Variants in MAPK8 observed in about 807,000 individuals in gnomAD.
MAPK8 encodes mitogen-activated protein kinase 8, also known as JUN N-terminal kinase.
A neutral mutation model predicts 52.9 loss-of-function variants in MAPK8; 13 were observed. The observed-to-expected ratio is 0.25, with a 90% CI of 0.16 to 0.39. The LOEUF is 0.39. Ranked by LOEUF, MAPK8 falls within the 10% of genes least tolerant of loss-of-function variation. The pLI, the probability that MAPK8 is intolerant of heterozygous loss-of-function variation, is 1.00. For missense variants in MAPK8, 300 were observed against 519.2 expected (o/e 0.58, Z 4.10); for synonymous variants, 191 against 169.8 (o/e 1.12, Z -0.97).
chr10:48,385,191 T>G (rs1331911057), intron 1 of MAPK8, among the ~76,000 whole-genome samples: 1 of 152,092 alleles, frequency 6.6e-6, no homozygotes, highest in Non-Finnish European at 1.5e-5. Flanking sequence ...GCTCAAGGGG[T>G]AGTGAGACAT....
At chr10:48,425,534 T>G in intron 7 of MAPK8, 1 of 327,374 alleles carries the variant, frequency 3.1e-6, no homozygotes, top group Non-Finnish European at 5.5e-6. Context: ...AAGGAAAAAT[T>G]TTGTATATTA....
intron 1 of MAPK8, among the ~76,000 whole-genome samples, chr10:48,324,318 T>C (rs1383420001): frequency 1.3e-5 from 2 of 152,174 alleles, no homozygotes. Context: ...ATGGATAGTG[T>C]TCAAATTGAT....
chr10:48,344,016 T>G (rs575652513), intron 1 of MAPK8, among the ~76,000 whole-genome samples: 39 of 152,362 alleles, frequency 2.6e-4, no homozygotes, highest in Admixed American at 1.1e-3. Context: ...GTTTGAATCC[T>G]CTACTGCTTA....
intron 1 of MAPK8, among the ~76,000 whole-genome samples, chr10:48,333,504 C>T (rs1350536490): frequency 6.6e-6 from 1 of 152,204 alleles, no homozygotes; most frequent in Non-Finnish European, 1.5e-5. Context: ...AAGGGCCATG[C>T]CCTAGTCTAC....
At chr10:48,423,567 A>G (rs1465362646) in intron 6 of MAPK8, among the ~76,000 whole-genome samples, 1 of 152,254 alleles carries the variant, frequency 6.6e-6, no homozygotes, top group Non-Finnish European at 1.5e-5. Flanking sequence ...CAGTTTAAAA[A>G]TTCCAAAGAG....
At chr10:48,409,975 T>G in intron 4 of MAPK8, 38 bp downstream of exon 4, 1 of 1,607,810 alleles carries the variant, frequency 6.2e-7, no homozygotes, top group Non-Finnish European at 8.5e-7. Context: ...AGTTAGTACA[T>G]TTTTCTTAGA....
In MAPK8 at chr10:48,352,451, A is replaced by T. The variant is rs549716290; in HGVS notation, c.-50+45630A>T. Among the ~76,000 whole-genome samples the T allele has an allele frequency of 5.9e-5, 9 of 152,338 alleles. No individual in the cohort carries two copies. The South Asian group carries it at 1.9e-3, about 32-fold the overall frequency. ...ATGACCAAGTGGACTTTATTTTGGGAATGCAAGATTGATTCAACATTTGAA... is the reference window on the plus strand; with the variant it reads ...ATGACCAAGTGGACTTTATTTTGGGTATGCAAGATTGATTCAACATTTGAA... On this transcript the variant is annotated intron_variant, in intron 1 of 11. Coordinates refer to ENST00000374189, the MANE Select transcript of MAPK8 (RefSeq NM_001323329.2).
chr10:48,329,456 C>T (rs1302305062), intron 1 of MAPK8, among the ~76,000 whole-genome samples: 1 of 151,668 alleles, frequency 6.6e-6, no homozygotes, highest in African/African-American at 2.4e-5. Context: ...CAACTCTGGC[C>T]ATGAGACAAC....
Position 48,438,259 on chromosome 10 carries a change from C to T in MAPK8, c.*3230C>T, listed in dbSNP as rs1438374820. ...TTAGCAGCCCTCTTAAATGTTGCCTCTCCGTATCCTGTTGCATTTTTGTGT... is the reference window on the plus strand; with the variant it reads ...TTAGCAGCCCTCTTAAATGTTGCCTTTCCGTATCCTGTTGCATTTTTGTGT... On this transcript the variant is annotated 3_prime_UTR_variant, in exon 12 of 12. Coordinates refer to ENST00000374189, the MANE Select transcript of MAPK8 (RefSeq NM_001323329.2). 6.6e-6 allele frequency: 1 copy of T among 152,220 alleles called. No individual in the cohort carries two copies. The highest frequency in any genetic ancestry group is 1.5e-5 in the Non-Finnish European group (1 of 68,034). The allele number at this position is 152,220 out of a possible 1,614,324, so 9.4% of individuals were successfully genotyped here. A position where few individuals can be genotyped will look rare whatever the true frequency, so the allele number is the denominator to read the frequency against.
chr10:48,435,016 GCTGCTGTAGATGACTACTTGGGCCATC>G lies in MAPK8; in HGVS notation c.1272_*14del. 1 of 1,605,784 alleles carries G rather than the reference GCTGCTGTAGATGACTACTTGGGCCATC, an allele frequency of 6.2e-7. No homozygotes were observed. The highest frequency in any genetic ancestry group is 8.5e-7 in the Non-Finnish European group (1 of 1,176,196). On this transcript the variant is annotated stop_lost and 3_prime_UTR_variant, in exon 12 of 12. Coordinates refer to ENST00000374189, the MANE Select transcript of MAPK8 (RefSeq NM_001323329.2). ...CTAGAAGCAGCAGCTGGGCCTCTGG[GCTGCTGTAGATGACTACTTGGGCCATC>G]GGGGGGTGGGAGGGATGGGGAGTCG...
Position 48,401,791 on chromosome 10 carries a change from T to C in MAPK8, c.122+9T>C. The C allele has an allele frequency of 7.1e-7, 1 of 1,411,340 alleles. No individual in the cohort carries two copies. The highest frequency in any genetic ancestry group is 9.3e-7 in the Non-Finnish European group (1 of 1,077,684). 87.4% of individuals were successfully genotyped at this position (1,411,340 alleles called of 1,614,324 possible). A position where few individuals can be genotyped will look rare whatever the true frequency, so the allele number is the denominator to read the frequency against. On this transcript the variant is annotated intron_variant, in intron 2 of 11. Transcript: ENST00000374189. Reference sequence around the variant, plus strand: ...GCTCAAGGAATAGTATGGTAAGTGTTTACTTCCAAAAATTAGGCAAAGAAT... The same window carrying C: ...GCTCAAGGAATAGTATGGTAAGTGTCTACTTCCAAAAATTAGGCAAAGAAT...
chr10:48,365,268 A>T (rs1430426135), intron 1 of MAPK8, among the ~76,000 whole-genome samples: 2 of 152,134 alleles, frequency 1.3e-5, no homozygotes. Flanking sequence ...TGTTTAAAGG[A>T]TGTACTTAAT....
At chr10:48,411,745 C>G (rs987936352) in intron 5 of MAPK8, among the ~76,000 whole-genome samples, 3 of 152,216 alleles carry the variant, frequency 2.0e-5, no homozygotes, top group African/African-American at 7.2e-5. Context: ...AATTCACAAA[C>G]ATAGGATGTC....
At chr10:48,313,530 A>C (rs756339009) in intron 1 of MAPK8, among the ~76,000 whole-genome samples, 1 of 145,436 alleles carries the variant, frequency 6.9e-6, no homozygotes, top group Non-Finnish European at 1.5e-5. Flanking sequence ...TAAAGATTAT[A>C]AAATCTTATG....
chr10:48,333,021 C>T (rs61840558), intron 1 of MAPK8, among the ~76,000 whole-genome samples: 5,833 of 152,246 alleles, frequency 0.038, 119 homozygotes, highest in African/African-American at 0.047. Context: ...ACTGTTATGT[C>T]CCTTGCCATC....
chr10:48,324,723 G>T, intron 1 of MAPK8, among the ~76,000 whole-genome samples: 2 of 151,778 alleles, frequency 1.3e-5, no homozygotes, highest in African/African-American at 2.4e-5. Context: ...ACGTTATATT[G>T]ACTCATAACA....
At position 48,328,478 on chromosome 10, in the gene MAPK8, G is replaced by A. The variant is rs539431352; in HGVS notation, c.-50+21657G>A. Among the ~76,000 whole-genome samples, 10 of 152,240 alleles carry A rather than the reference G, an allele frequency of 6.6e-5. No individual in the cohort carries two copies. The East Asian group carries it at 1.9e-3, about 29-fold the overall frequency. ...CCATTTTGATCTGACCTGGTTGATCGTTGAATGCTTCCTTGCTTTCTGGCA... is the reference window on the plus strand; with the variant it reads ...CCATTTTGATCTGACCTGGTTGATCATTGAATGCTTCCTTGCTTTCTGGCA... On this transcript the variant is annotated intron_variant, in intron 1 of 11. Coordinates refer to ENST00000374189, the MANE Select transcript of MAPK8 (RefSeq NM_001323329.2).
intron 1 of MAPK8, among the ~76,000 whole-genome samples, chr10:48,375,937 C>G (rs888117667): frequency 6.6e-6 from 1 of 152,142 alleles, no homozygotes; most frequent in Non-Finnish European, 1.5e-5. Flanking sequence ...CCAAGACAAT[C>G]CTAAGCAAAA....
In MAPK8 at chr10:48,438,130, AG is replaced by A. The variant is rs2045005754; in HGVS notation, c.*3102del. ...TTCAGAAATACTGTTGTAGTTTGTG[AG>A]TGTTGTTCATTAGTTACACATTAGC... is the stretch of plus-strand genomic sequence containing the variant. On this transcript the variant is annotated 3_prime_UTR_variant, in exon 12 of 12. Transcript: ENST00000374189. 1 of 152,226 alleles carries A rather than the reference AG, an allele frequency of 6.6e-6. No homozygotes were observed. Among genetic ancestry groups the A allele is most frequent in the African/African-American group, 2.4e-5 (1 of 41,458 alleles). 9.4% of individuals were successfully genotyped at this position (152,226 alleles called of 1,614,324 possible).
Sources: gnomAD v4.1 joint callset for allele counts (sites outside exome capture counted in the v4.1 genomes callset) on GRCh38, gnomAD v4.1.1 for gene constraint, MANE v1.5 for transcripts, NCBI Gene and HGNC (gene_info 2026-07-23, HGNC 2026-07-21) for gene names.